The following DLGAP2 variants were observed in gnomAD, a reference collection of about 807,000 sequenced individuals.
DLGAP2 encodes the protein disks large-associated protein 2.
Under a neutral mutation model 100.3 loss-of-function variants are expected in DLGAP2, and 26 were observed. The ratio of observed to expected loss-of-function variants is 0.26; its 90% confidence interval spans 0.19 to 0.36. The LOEUF is 0.36. Ranked by LOEUF, DLGAP2 falls within the 10% of genes least tolerant of loss-of-function variation. The pLI, the probability that DLGAP2 is intolerant of heterozygous loss-of-function variation, is 1.00. For missense variants in DLGAP2, 1,858 were observed against 1,453.2 expected (o/e 1.28, Z -4.53); for synonymous variants, 886 against 630.1 (o/e 1.41, Z -6.08).
In DLGAP2 at chr8:855,615, C is replaced by T. The variant is rs4735943; in HGVS notation, c.19-52297C>T. ...AAGTTCCCACGTAAGCTTCAGGTGC[C>T]TGAGAGTGAAGCCAGGTTGTATTTG... On this transcript the variant is annotated intron_variant, in intron 1 of 14. Coordinates refer to ENST00000637795, the MANE Select transcript of DLGAP2 (RefSeq NM_001346810.2). Among the ~76,000 whole-genome samples, 1,353 of 152,238 alleles carry T rather than the reference C, an allele frequency of 8.9e-3. 31 individuals carry two copies. The highest frequency in any genetic ancestry group is 0.047 in the Admixed American group (716 of 15,300).
intron 3 of DLGAP2, among the ~76,000 whole-genome samples, chr8:1,391,275 A>G (rs1329692308): frequency 6.6e-6 from 1 of 152,192 alleles, no homozygotes; most frequent in Non-Finnish European, 1.5e-5. Context: ...GCATTCAAGG[A>G]TTTGCAACAA....
intron 1 of DLGAP2, among the ~76,000 whole-genome samples, chr8:771,025 C>G (rs564031276): frequency 7.2e-5 from 11 of 152,126 alleles, no homozygotes; most frequent in Non-Finnish European, 1.5e-4. Context: ...GTGTGAGTGT[C>G]CTATTCTCCA....
chr8:872,123 G>T (rs912442209), intron 1 of DLGAP2, among the ~76,000 whole-genome samples: 1 of 152,086 alleles, frequency 6.6e-6, no homozygotes, highest in Non-Finnish European at 1.5e-5. Context: ...TATGCTATGT[G>T]TGTATTTAGT....
intron 3 of DLGAP2, among the ~76,000 whole-genome samples, chr8:1,412,138 C>A (rs1796749104): frequency 6.6e-6 from 1 of 152,244 alleles, no homozygotes; most frequent in African/African-American, 2.4e-5. Flanking sequence ...CTCCCTCCTC[C>A]TCACCTGTGC....
At chr8:1,527,336 C>T (rs568381229) in intron 4 of DLGAP2, among the ~76,000 whole-genome samples, 19 of 152,376 alleles carry the variant, frequency 1.2e-4, no homozygotes, top group Admixed American at 9.1e-4. Context: ...TGATCCCCTC[C>T]GGGAGGGGCC....
chr8:1,060,592 G>A (rs967868669), intron 2 of DLGAP2, among the ~76,000 whole-genome samples: 2 of 152,158 alleles, frequency 1.3e-5, no homozygotes, highest in African/African-American at 4.8e-5. Context: ...CTCACCTCAA[G>A]GTCCTTAATT....
intron 6 of DLGAP2, among the ~76,000 whole-genome samples, chr8:1,624,508 G>A (rs1227889676): frequency 2.6e-5 from 4 of 151,812 alleles, no homozygotes; most frequent in Non-Finnish European, 4.4e-5. Flanking sequence ...ATGAGTCCAC[G>A]CATCCATCAA....
intron 1 of DLGAP2, among the ~76,000 whole-genome samples, chr8:901,895 G>A (rs1382627714): frequency 1.3e-5 from 2 of 152,196 alleles, no homozygotes; most frequent in South Asian, 2.1e-4. Flanking sequence ...CCAGGGCTTC[G>A]CTGGACATCT....
intron 1 of DLGAP2, among the ~76,000 whole-genome samples, chr8:738,295 G>A (rs566327972): frequency 6.6e-6 from 1 of 151,952 alleles, no homozygotes; most frequent in South Asian, 2.1e-4. Context: ...ACGGGGACTG[G>A]GAATGAATGA....
At chr8:1,031,165 G>A (rs898890425) in intron 2 of DLGAP2, among the ~76,000 whole-genome samples, 1 of 152,034 alleles carries the variant, frequency 6.6e-6, no homozygotes, top group Non-Finnish European at 1.5e-5. Context: ...TCATGATGCC[G>A]CCTGTGCCTC....
chr8:1,606,561 T>C (rs1219082673), intron 6 of DLGAP2, among the ~76,000 whole-genome samples: 2 of 152,230 alleles, frequency 1.3e-5, no homozygotes. Flanking sequence ...ACTGCAATTC[T>C]TTTTATGATG....
intron 1 of DLGAP2, among the ~76,000 whole-genome samples, chr8:856,189 T>TCTTCTTCTTCTTCTTC (rs1563065837): frequency 6.8e-6 from 1 of 147,174 alleles, no homozygotes; most frequent in African/African-American, 2.5e-5. Flanking sequence ...CTTCTTCTTT[T>TCTTCTTCTTCTTCTTC]TTTTTTTTTT....
In DLGAP2 at chr8:861,537, G is replaced by A. The variant is rs114355533; in HGVS notation, c.19-46375G>A. The stretch of plus-strand genomic sequence containing the variant: ...TCTTACTGCTTAGTAGGGTCTTGTC[G>A]AATGATAGAATAAATTAATAAACAG... On this transcript the variant is annotated intron_variant, in intron 1 of 14. Coordinates refer to ENST00000637795, the MANE Select transcript of DLGAP2 (RefSeq NM_001346810.2). Among the ~76,000 whole-genome samples the A allele has an allele frequency of 1.7e-3, 255 of 152,290 alleles. 1 individual carries two copies. The highest frequency in any genetic ancestry group is 5.8e-3 in the African/African-American group (240 of 41,546).
intron 3 of DLGAP2, among the ~76,000 whole-genome samples, chr8:1,477,540 A>G (rs1798969763): frequency 6.6e-6 from 1 of 152,202 alleles, no homozygotes; most frequent in African/African-American, 2.4e-5. Context: ...GCACAGCCTG[A>G]GAGCCGGCAG....
chr8:1,157,296 C>T (rs1209808700), intron 2 of DLGAP2, among the ~76,000 whole-genome samples: 1 of 152,142 alleles, frequency 6.6e-6, no homozygotes, highest in Admixed American at 6.5e-5. Context: ...CTGTGATGTT[C>T]AGAGATGGCC....
chr8:1,348,616 G>C (rs1194867273), intron 3 of DLGAP2, among the ~76,000 whole-genome samples: 1 of 152,140 alleles, frequency 6.6e-6, no homozygotes, highest in South Asian at 2.1e-4. Context: ...CATGGTAGCT[G>C]TGTGGAGGTT....
intron 4 of DLGAP2, among the ~76,000 whole-genome samples, chr8:1,519,038 G>A (rs567327823): frequency 1.3e-5 from 2 of 152,244 alleles, no homozygotes; most frequent in South Asian, 2.1e-4. Flanking sequence ...TCTCAACAAC[G>A]AGCCACAGAT....
chr8:1,566,070 C>G (rs1802389449), intron 6 of DLGAP2, among the ~76,000 whole-genome samples, 176 bp downstream of exon 6: 2 of 152,154 alleles, frequency 1.3e-5, no homozygotes, highest in Admixed American at 6.5e-5. Context: ...ACAACCAGAG[C>G]TTTTGTTATT....
chr8:1,264,471 A>G (rs1408262059), intron 3 of DLGAP2, among the ~76,000 whole-genome samples: 1 of 152,194 alleles, frequency 6.6e-6, no homozygotes, highest in Non-Finnish European at 1.5e-5. Context: ...ATATAAAGTT[A>G]CCAATGAGAA....
Sources: allele counts gnomAD v4.1 joint callset (sites outside exome capture counted in the v4.1 genomes callset), GRCh38; gene constraint gnomAD v4.1.1; transcripts MANE v1.5; gene names NCBI Gene and HGNC (gene_info 2026-07-23, HGNC 2026-07-21).